Variants in ARMC8 observed in about 807,000 individuals in gnomAD.
ARMC8 encodes armadillo repeat-containing protein 8.
ARMC8 carries 20 observed loss-of-function variants against 99.3 expected under a neutral mutation model. That is an observed-to-expected ratio of 0.20 (90% CI 0.14 to 0.29). The LOEUF is 0.29. ARMC8 is among the 10% of genes least tolerant of loss of function. ARMC8 has a pLI of 1.00. For missense variants in ARMC8, 569 were observed against 809.5 expected (o/e 0.70, Z 3.60); for synonymous variants, 263 against 278.3 (o/e 0.95, Z 0.55).
chr3:138,289,437 G>A (rs1432404105), intron 20 of ARMC8, among the ~76,000 whole-genome samples: 1 of 152,190 alleles, frequency 6.6e-6, no homozygotes, highest in Non-Finnish European at 1.5e-5. Context: ...TGAGAGGAGA[G>A]AGTGGGTGGG....
At chr3:138,223,575 G>T in intron 4 of ARMC8, 44 bp downstream of exon 4, 1 of 1,614,040 alleles carries the variant, frequency 6.2e-7, no homozygotes, top group South Asian at 1.1e-5. Flanking sequence ...TTAAGAATCA[G>T]TTTGCAGTGC....
chr3:138,228,575 A>T (rs1413676887), intron 5 of ARMC8: 2 of 400,470 alleles, frequency 5.0e-6, no homozygotes, highest in East Asian at 1.4e-4. Flanking sequence ...TTACTAGTGC[A>T]TAACGTACTA....
intron 12 of ARMC8, among the ~76,000 whole-genome samples, chr3:138,261,151 A>C (rs1179409468): frequency 6.6e-6 from 1 of 152,204 alleles, no homozygotes; most frequent in East Asian, 1.9e-4. Context: ...ACAGAAGATT[A>C]GGTAATTTGG....
At chr3:138,226,252 C>A (rs903707723) in intron 5 of ARMC8, among the ~76,000 whole-genome samples, 2 of 152,188 alleles carry the variant, frequency 1.3e-5, no homozygotes, top group African/African-American at 4.8e-5. Flanking sequence ...CCTCGGCCTC[C>A]CAAAGTGTTG....
chr3:138,231,387 T>C (rs1299401127), intron 6 of ARMC8, among the ~76,000 whole-genome samples: 2 of 152,220 alleles, frequency 1.3e-5, no homozygotes, highest in Non-Finnish European at 2.9e-5. Flanking sequence ...ATTACTAATT[T>C]GCTTTGACTG....
chr3:138,211,508 A>G (rs1180409239), intron 2 of ARMC8, among the ~76,000 whole-genome samples: 1 of 152,222 alleles, frequency 6.6e-6, no homozygotes, highest in Non-Finnish European at 1.5e-5. Flanking sequence ...AAAAGTGGGA[A>G]AGATAGAATT....
intron 1 of ARMC8, among the ~76,000 whole-genome samples, chr3:138,193,482 T>G (rs2043514561): frequency 6.6e-6 from 1 of 152,120 alleles, no homozygotes; most frequent in Non-Finnish European, 1.5e-5. Context: ...GCCAGGCTGG[T>G]CTCAATCTCC....
Position 138,296,042 on chromosome 3 carries a change from A to AG in ARMC8, c.*150_*151insG. On this transcript the variant is annotated 3_prime_UTR_variant, in exon 22 of 22. Transcript: ENST00000469044. Reference sequence around the variant, plus strand: ...AGCAGTTTAGTAGGCTTAGATCTCAAATTCATCTTGAGAACATTTTTTTGA... The same window carrying AG: ...AGCAGTTTAGTAGGCTTAGATCTCAAGATTCATCTTGAGAACATTTTTTTGA... 1.6e-6 allele frequency: 1 copy of AG among 617,804 alleles called. No individual in the cohort carries two copies. Among genetic ancestry groups the AG allele is most frequent in the Non-Finnish European group, 2.6e-6 (1 of 382,298 alleles). 38.3% of individuals were successfully genotyped at this position (617,804 alleles called of 1,614,324 possible). A position where few individuals can be genotyped will look rare whatever the true frequency, so the allele number is the denominator to read the frequency against.
chr3:138,195,271 C>T (rs1030366948), intron 1 of ARMC8, among the ~76,000 whole-genome samples: 17 of 143,036 alleles, frequency 1.2e-4, no homozygotes, highest in Non-Finnish European at 2.1e-4. Flanking sequence ...GGCGACAGAG[C>T]GAGACTCCGT....
In ARMC8 at chr3:138,222,658, TG is replaced by T. The variant is rs3836417; in HGVS notation, c.194+663del. 1.1e-3 allele frequency among the ~76,000 whole-genome samples: 170 copies of T among 152,340 alleles called. 6 individuals are homozygous for T. The East Asian group carries it at 0.032, about 29-fold the overall frequency. On this transcript the variant is annotated intron_variant, in intron 3 of 21. Transcript: ENST00000469044. ...TTTTCTGGTTTTGATACAGAATTAA[TG>T]GTTTAAGTGTTTTAACTCACCAACC...
chr3:138,247,071 TGAA>T (rs925467385), intron 12 of ARMC8, among the ~76,000 whole-genome samples: 19 of 152,180 alleles, frequency 1.2e-4, no homozygotes, highest in Non-Finnish European at 2.8e-4. Flanking sequence ...AAAATCTACT[TGAA>T]GACTGGCCAT....
At chr3:138,194,583 C>A (rs1186551178) in intron 1 of ARMC8, among the ~76,000 whole-genome samples, 1 of 151,906 alleles carries the variant, frequency 6.6e-6, no homozygotes, top group Middle Eastern at 3.2e-3. Flanking sequence ...CGTGATCTGC[C>A]CACCTTGGCC....
chr3:138,287,024 C>G lies in ARMC8; in HGVS notation c.1822-2024C>G, dbSNP rs149898719. 1.5e-3 allele frequency among the ~76,000 whole-genome samples: 228 copies of G among 152,336 alleles called. 1 individual carries two copies. Among genetic ancestry groups the G allele is most frequent in the African/African-American group, 5.2e-3 (215 of 41,574 alleles). On this transcript the variant is annotated intron_variant, in intron 19 of 21. Coordinates refer to ENST00000469044, the MANE Select transcript of ARMC8 (RefSeq NM_001363941.2). ...ATCCAATTACTCCTTTTCATCACCACTGCCCCCACCCTAGTCAGTCCAAGT... is the reference window on the plus strand; with the variant it reads ...ATCCAATTACTCCTTTTCATCACCAGTGCCCCCACCCTAGTCAGTCCAAGT...
intron 1 of ARMC8, chr3:138,188,118 C>A (rs919896328): frequency 8.7e-6 from 2 of 229,542 alleles, no homozygotes; most frequent in East Asian, 9.6e-5. Flanking sequence ...CACCTGGGCA[C>A]CGGCTGAAGC....
intron 1 of ARMC8, among the ~76,000 whole-genome samples, chr3:138,202,688 T>C (rs1394085091): frequency 6.6e-6 from 1 of 152,224 alleles, no homozygotes; most frequent in Admixed American, 6.5e-5. Context: ...CTAAAATTCA[T>C]ACCTAAGTCT....
At chr3:138,245,862 C>G in intron 12 of ARMC8, 8 of 985,498 alleles carry the variant, frequency 8.1e-6, no homozygotes, top group Non-Finnish European at 8.4e-6. Context: ...TTCCACAAAC[C>G]AAAAAGCTGG....
chr3:138,198,606 G>A (rs1424228334), intron 1 of ARMC8, among the ~76,000 whole-genome samples: 4 of 151,816 alleles, frequency 2.6e-5, no homozygotes, highest in Admixed American at 2.6e-4. Flanking sequence ...TCCGCCTCCC[G>A]GGTTCAAGTG....
chr3:138,290,497 G>C (rs919608697), intron 20 of ARMC8, 49 bp from the exon 21 acceptor site: 2 of 1,342,242 alleles, frequency 1.5e-6, no homozygotes, highest in East Asian at 2.4e-5. Flanking sequence ...ACATCAAAGA[G>C]AGCATTTGCC....
chr3:138,189,246 G>A (rs2043241757), intron 1 of ARMC8, among the ~76,000 whole-genome samples: 1 of 149,842 alleles, frequency 6.7e-6, no homozygotes, highest in East Asian at 1.9e-4. Context: ...TTCTATTTAG[G>A]ATTTGCCTTT....
Sources: allele counts gnomAD v4.1 joint callset (sites outside exome capture counted in the v4.1 genomes callset), GRCh38; gene constraint gnomAD v4.1.1; transcripts MANE v1.5; gene names NCBI Gene and HGNC (gene_info 2026-07-23, HGNC 2026-07-21).